The following VDR variants were observed in gnomAD, a reference collection of about 807,000 sequenced individuals.
The protein encoded by VDR is vitamin D3 receptor.
VDR carries 19 observed loss-of-function variants against 39.7 expected under a neutral mutation model. The observed-to-expected ratio is 0.48, with a 90% CI of 0.33 to 0.70. The LOEUF (loss-of-function observed/expected upper bound fraction) is 0.70, where lower values mean the gene tolerates loss of function less well. VDR is among the 30% of genes least tolerant of loss of function. The probability of loss-of-function intolerance (pLI) is 0.02; values close to 1 mark genes in which losing one functional copy is unlikely to be tolerated. For missense variants in VDR, 442 were observed against 570.5 expected, an observed-to-expected ratio of 0.77 and a Z score of 2.29; for synonymous variants, 242 against 215.8, an observed-to-expected ratio of 1.12 and a Z score of -1.07.
intron 4 of VDR, among the ~76,000 whole-genome samples, chr12:47,863,306 A>G (rs375066377): frequency 3.3e-5 from 5 of 152,296 alleles, no homozygotes; most frequent in East Asian, 1.9e-4. Flanking sequence ...TGTTCTTTCT[A>G]TTTTAAGTCA....
chr12:47,883,708 G>T (rs1470080975), intron 1 of VDR, among the ~76,000 whole-genome samples: 3 of 152,194 alleles, frequency 2.0e-5, no homozygotes, highest in Non-Finnish European at 2.9e-5. Context: ...CTTTAAGTCA[G>T]ACCCCAGATG....
chr12:47,883,372 G>C (rs1946196434), intron 1 of VDR, among the ~76,000 whole-genome samples: 1 of 152,184 alleles, frequency 6.6e-6, no homozygotes. Context: ...GGTGTAGGCG[G>C]AGCAGGTGTT....
intron 7 of VDR, 70 bp downstream of exon 7, chr12:47,855,560 T>A: frequency 6.4e-7 from 1 of 1,562,296 alleles, no homozygotes; most frequent in Non-Finnish European, 8.8e-7. Flanking sequence ...GGATGAGTGA[T>A]CTCCAACCCT....
Position 47,846,340 on chromosome 12 carries a change from GA to G in VDR, c.1018del (p.Ser340ProfsTer12). 6.2e-7 allele frequency: 1 copy of G among 1,607,480 alleles called. No individual in the cohort carries two copies. The highest frequency in any genetic ancestry group is 8.5e-7 in the Non-Finnish European group (1 of 1,178,104). ...HVLLMAICIV[S>X]PDRPGVQDAA... ...CTCCCTGCCTGGCCCCATACCTGGG[GA>G]GACGATGCAGATGGCCATGAGCAGG... On this transcript the variant is annotated frameshift_variant, in exon 9 of 10. Coordinates refer to ENST00000549336, the MANE Select transcript of VDR (RefSeq NM_000376.3). LOFTEE classifies it high-confidence loss of function.
chr12:47,851,231 T>C (rs2137132238), intron 7 of VDR, among the ~76,000 whole-genome samples: 1 of 152,224 alleles, frequency 6.6e-6, no homozygotes, highest in South Asian at 2.1e-4. Flanking sequence ...GGGTCCCAAG[T>C]CCTCAGATCT....
intron 2 of VDR, among the ~76,000 whole-genome samples, chr12:47,882,355 T>A (rs1267499445): frequency 6.6e-6 from 1 of 151,938 alleles, no homozygotes; most frequent in Non-Finnish European, 1.5e-5. Context: ...GCTTGAGAGC[T>A]GAAAGTCCCA....
At chr12:47,890,328 A>ATATATAT (rs1343052772) in intron 1 of VDR, among the ~76,000 whole-genome samples, 1 of 147,972 alleles carries the variant, frequency 6.8e-6, no homozygotes, top group African/African-American at 2.5e-5. Context: ...TTTGTATTTT[A>ATATATAT]CATATATGTA....
intron 4 of VDR, among the ~76,000 whole-genome samples, chr12:47,859,901 CCTTCCTTCCTTCCTTCTTTCTT>C (rs781304711): frequency 0.06 from 2,659 of 44,190 alleles, 167 homozygotes; most frequent in Middle Eastern, 0.097. Context: ...TTCCTTCCTT[CCTTCCTTCCTTCCTTCTTTCTT>C]TTTCTTTCTT....
intron 2 of VDR, 21 bp downstream of exon 2, chr12:47,882,673 G>C: frequency 6.9e-7 from 1 of 1,449,954 alleles, no homozygotes; most frequent in Non-Finnish European, 9.2e-7. Context: ...GGGAAGTTGC[G>C]GCTGATGAGG....
chr12:47,859,763 GTC>G (rs1466724384), intron 4 of VDR, among the ~76,000 whole-genome samples: 1 of 152,192 alleles, frequency 6.6e-6, no homozygotes, highest in Admixed American at 6.5e-5. Flanking sequence ...GAAGTTCAAG[GTC>G]TCTTTCTCTA....
intron 6 of VDR, among the ~76,000 whole-genome samples, chr12:47,856,114 G>A (rs1364254570): frequency 6.6e-6 from 1 of 152,234 alleles, no homozygotes; most frequent in Non-Finnish European, 1.5e-5. Context: ...GGAAAAAAAT[G>A]TTCAACCTTG....
intron 4 of VDR, among the ~76,000 whole-genome samples, chr12:47,863,297 G>A (rs987181028): frequency 6.6e-6 from 1 of 152,214 alleles, no homozygotes; most frequent in African/African-American, 2.4e-5. Context: ...AGTCTCAGAT[G>A]TTCTTTCTAT....
intron 4 of VDR, among the ~76,000 whole-genome samples, chr12:47,863,425 A>G (rs1945664730): frequency 6.6e-6 from 1 of 152,188 alleles, no homozygotes; most frequent in Non-Finnish European, 1.5e-5. Context: ...CTGCAGTGGA[A>G]CCTCGTGCCA....
At position 47,843,372 on chromosome 12, in the gene VDR, G is replaced by A. The variant is rs1370912524; in HGVS notation, c.*1374C>T. The stretch of plus-strand genomic sequence containing the variant: ...ATGCGGCCGCATTCCCCAAACTCAA[G>A]CACTGATCTGAAGAAGCCTCTGTGA... On this transcript the variant is annotated 3_prime_UTR_variant, in exon 10 of 10. Transcript: ENST00000549336. 2 of 152,186 alleles carry A rather than the reference G, an allele frequency of 1.3e-5. No individual in the cohort carries two copies. Among genetic ancestry groups the A allele is most frequent in the African/African-American group, 4.8e-5 (2 of 41,378 alleles). 9.4% of individuals were successfully genotyped at this position (152,186 alleles called of 1,614,324 possible).
chr12:47,873,937 T>C (rs1565624651), intron 3 of VDR, among the ~76,000 whole-genome samples: 1 of 152,184 alleles, frequency 6.6e-6, no homozygotes, highest in African/African-American at 2.4e-5. Flanking sequence ...GACCATGCTC[T>C]CCACTGGCCC....
At chr12:47,863,004 G>A (rs923571731) in intron 4 of VDR, among the ~76,000 whole-genome samples, 13 of 152,238 alleles carry the variant, frequency 8.5e-5, no homozygotes, top group Non-Finnish European at 1.8e-4. Context: ...GCATACAGCA[G>A]GATGGGGACA....
chr12:47,869,318 C>T (rs563192972), intron 3 of VDR, among the ~76,000 whole-genome samples: 9 of 152,112 alleles, frequency 5.9e-5, no homozygotes, highest in South Asian at 2.1e-4. Context: ...AGGCGGATCG[C>T]GAGGTCAGGA....
At chr12:47,864,902 G>A (rs529857502) in intron 4 of VDR, 145 bp downstream of exon 4, 726 of 1,371,404 alleles carry the variant, frequency 5.3e-4, no homozygotes, top group Non-Finnish European at 6.9e-4. Flanking sequence ...ACCAGCTGCT[G>A]GTCCCACTGA....
intron 2 of VDR, 109 bp downstream of exon 2, chr12:47,882,585 G>A: frequency 1.0e-6 from 1 of 963,600 alleles, no homozygotes; most frequent in Non-Finnish European, 1.6e-6. Flanking sequence ...AAAATCCTGG[G>A]TGGTATCCCT....
Sources: allele counts gnomAD v4.1 joint callset (sites outside exome capture counted in the v4.1 genomes callset), GRCh38; gene constraint gnomAD v4.1.1; transcripts MANE v1.5; gene names NCBI Gene and HGNC (gene_info 2026-07-23, HGNC 2026-07-21).